Variants in SMG6 observed in about 807,000 individuals in gnomAD.
SMG6 encodes the protein telomerase-binding protein EST1A.
Under a neutral mutation model 142.2 loss-of-function variants are expected in SMG6, and 66 were observed. That is an observed-to-expected ratio of 0.46 (90% CI 0.38 to 0.57). The LOEUF is 0.57. Among genes scored for constraint, SMG6 ranks in the 20% least tolerant of loss-of-function variants. The pLI, the probability that SMG6 is intolerant of heterozygous loss-of-function variation, is 0.00. For missense variants in SMG6, 1,793 were observed against 1,832.0 expected (o/e 0.98, Z 0.39); for synonymous variants, 779 against 702.4 (o/e 1.11, Z -1.72).
intron 8 of SMG6, among the ~76,000 whole-genome samples, chr17:2,254,296 A>G (rs191605891): frequency 6.6e-6 from 1 of 152,326 alleles, no homozygotes; most frequent in East Asian, 1.9e-4. Flanking sequence ...GGACAACCAG[A>G]TAACAGTTTT....
At chr17:2,145,322 C>A (rs1355134579) in intron 13 of SMG6, among the ~76,000 whole-genome samples, 1 of 151,164 alleles carries the variant, frequency 6.6e-6, no homozygotes, top group Non-Finnish European at 1.5e-5. Context: ...ACAGGGTTTC[C>A]CCCAGGCTGG....
chr17:2,235,445 C>T (rs747738834), intron 10 of SMG6, among the ~76,000 whole-genome samples: 28 of 152,158 alleles, frequency 1.8e-4, no homozygotes, highest in Non-Finnish European at 2.9e-4. Context: ...CCAAGTGAAG[C>T]ATAACCCTTA....
chr17:2,138,603 C>T (rs956170527), intron 13 of SMG6, among the ~76,000 whole-genome samples: 5 of 152,148 alleles, frequency 3.3e-5, no homozygotes, highest in African/African-American at 1.2e-4. Context: ...AAGGACCCCA[C>T]ATATGAATCA....
intron 4 of SMG6, among the ~76,000 whole-genome samples, chr17:2,296,096 C>T (rs780580360): frequency 1.3e-5 from 2 of 152,194 alleles, no homozygotes; most frequent in Non-Finnish European, 2.9e-5. Flanking sequence ...AACAAATCTA[C>T]CTTATCCATT....
chr17:2,143,301 A>G (rs2070547604), intron 13 of SMG6, among the ~76,000 whole-genome samples: 2 of 152,236 alleles, frequency 1.3e-5, no homozygotes, highest in Non-Finnish European at 2.9e-5. Context: ...AACATTATTC[A>G]TAATAGCCAA....
intron 9 of SMG6, chr17:2,240,255 A>G (rs1213710139): frequency 6.6e-6 from 1 of 152,232 alleles, no homozygotes; most frequent in Non-Finnish European, 1.5e-5. Flanking sequence ...AATCTTTCAG[A>G]CAACACCGGG....
chr17:2,197,527 C>T (rs2072368089), intron 10 of SMG6, among the ~76,000 whole-genome samples: 1 of 152,112 alleles, frequency 6.6e-6, no homozygotes, highest in South Asian at 2.1e-4. Context: ...GACAGTGCCG[C>T]TGCACTCCAG....
intron 12 of SMG6, among the ~76,000 whole-genome samples, chr17:2,186,220 G>A (rs1015732263): frequency 6.8e-6 from 1 of 146,946 alleles, no homozygotes; most frequent in Non-Finnish European, 1.5e-5. Context: ...TCATGCCACT[G>A]CACTCCAGCC....
At chr17:2,230,073 C>T (rs2073427674) in intron 10 of SMG6, among the ~76,000 whole-genome samples, 2 of 150,734 alleles carry the variant, frequency 1.3e-5, no homozygotes, top group Non-Finnish European at 3.0e-5. Flanking sequence ...GTAATCCCAG[C>T]TACTCGGGAG....
At chr17:2,089,164 C>A (rs372066468) in intron 13 of SMG6, among the ~76,000 whole-genome samples, 1 of 152,148 alleles carries the variant, frequency 6.6e-6, no homozygotes. Flanking sequence ...TAACTCTGCT[C>A]GTGAGCACAT....
chr17:2,152,096 C>T (rs1375030105), intron 13 of SMG6, among the ~76,000 whole-genome samples: 1 of 152,178 alleles, frequency 6.6e-6, no homozygotes, highest in Non-Finnish European at 1.5e-5. Flanking sequence ...TCGGCCTGAG[C>T]CGGAGAGGCC....
chr17:2,135,612 T>G (rs1428208754), intron 13 of SMG6, among the ~76,000 whole-genome samples: 1 of 152,246 alleles, frequency 6.6e-6, no homozygotes, highest in East Asian at 1.9e-4. Flanking sequence ...TAGTCTCATG[T>G]GGTTACTGAC....
intron 10 of SMG6, among the ~76,000 whole-genome samples, chr17:2,223,168 A>T (rs1398604889): frequency 6.6e-6 from 1 of 152,214 alleles, no homozygotes; most frequent in Non-Finnish European, 1.5e-5. Context: ...TTCTCCCTGC[A>T]GTCCCCTGCC....
intron 11 of SMG6, 26 bp downstream of exon 11, chr17:2,188,373 C>T: frequency 1.2e-6 from 2 of 1,603,322 alleles, no homozygotes; most frequent in South Asian, 1.1e-5. Context: ...GGAAAGCCCA[C>T]CAGGCTGGGG....
chr17:2,232,352 A>G (rs905730922), intron 10 of SMG6, among the ~76,000 whole-genome samples: 6 of 152,176 alleles, frequency 3.9e-5, no homozygotes, highest in Non-Finnish European at 5.9e-5. Flanking sequence ...GCACGTGGAG[A>G]AAGCCCTTCC....
intron 13 of SMG6, among the ~76,000 whole-genome samples, chr17:2,155,855 G>C (rs535201132): frequency 4.6e-5 from 7 of 152,094 alleles, no homozygotes; most frequent in African/African-American, 1.7e-4. Context: ...ATCATCCACC[G>C]TCTGGTTTTA....
intron 8 of SMG6, chr17:2,255,787 G>A: frequency 4.6e-6 from 1 of 217,028 alleles, no homozygotes; most frequent in Non-Finnish European, 9.1e-6. Context: ...TTGTTGCTGT[G>A]TCTGTGTGGA....
intron 13 of SMG6, among the ~76,000 whole-genome samples, chr17:2,129,067 G>A (rs1182687427): frequency 6.6e-6 from 1 of 152,158 alleles, no homozygotes; most frequent in African/African-American, 2.4e-5. Flanking sequence ...TTATTACTGG[G>A]CTGGGTGGGG....
chr17:2,066,370 C>CTGTG (rs1404157583), intron 16 of SMG6, among the ~76,000 whole-genome samples: 35 of 84,112 alleles, frequency 4.2e-4, no homozygotes, highest in African/African-American at 1.5e-3. Flanking sequence ...GTGTATATGT[C>CTGTG]TCTGTGTGTG....
Sources: gnomAD v4.1 joint callset for allele counts (sites outside exome capture counted in the v4.1 genomes callset) on GRCh38, gnomAD v4.1.1 for gene constraint, MANE v1.5 for transcripts, NCBI Gene and HGNC (gene_info 2026-07-23, HGNC 2026-07-21) for gene names.